Variants in PTPRG observed in about 807,000 individuals in gnomAD.
PTPRG encodes the protein receptor-type tyrosine-protein phosphatase gamma.
PTPRG carries 102 observed loss-of-function variants against 165.3 expected under a neutral mutation model. The observed-to-expected ratio is 0.62, with a 90% CI of 0.53 to 0.73. PTPRG has a LOEUF of 0.73. Among genes scored for constraint, PTPRG ranks in the 30% least tolerant of loss-of-function variants. The pLI is 0.00. For synonymous variants in PTPRG, 675 were observed against 669.5 expected, an observed-to-expected ratio of 1.01 and a Z score of -0.13; for missense variants, 1,866 against 1,861.4, an observed-to-expected ratio of 1.00 and a Z score of -0.05.
rs1168607732 is a variant in PTPRG, at chr3:62,195,481, C to G, written c.1327+311C>G. On this transcript the variant is annotated intron_variant, in intron 10 of 29. Coordinates refer to ENST00000474889, the MANE Select transcript of PTPRG (RefSeq NM_002841.4). This position sits in a 1 kb window ranked among gnomAD's most constrained non-coding sequence, Gnocchi z 4.4. ...AGCGCTGTGTCAGATCACACAATCACTTCCAAGTTGTACCGCTGAATATCC... is the reference window on the plus strand; with the variant it reads ...AGCGCTGTGTCAGATCACACAATCAGTTCCAAGTTGTACCGCTGAATATCC... Among the ~76,000 whole-genome samples the G allele has an allele frequency of 1.3e-5, 2 of 152,224 alleles. No homozygotes were observed. The highest frequency in any genetic ancestry group is 2.9e-5 in the Non-Finnish European group (2 of 68,032).
At chr3:61,598,532 G>C (rs9883668) in intron 1 of PTPRG, among the ~76,000 whole-genome samples, 1 of 151,908 alleles carries the variant, frequency 6.6e-6, no homozygotes. Flanking sequence ...CATTAAACTC[G>C]GCCATCAGTT....
In PTPRG at chr3:61,828,630, A is replaced by G. The variant is rs72880483; in HGVS notation, c.190+79648A>G. On this transcript the variant is annotated intron_variant, in intron 2 of 29. Coordinates refer to ENST00000474889, the MANE Select transcript of PTPRG (RefSeq NM_002841.4). Reference sequence around the variant, plus strand: ...TGAACCCAGAGGAAGTGCTGTGTGAACCCAGGGGAGGAGTGACTACACATG... The same window carrying G: ...TGAACCCAGAGGAAGTGCTGTGTGAGCCCAGGGGAGGAGTGACTACACATG... 4.9e-3 allele frequency among the ~76,000 whole-genome samples: 742 copies of G among 152,290 alleles called. 4 individuals are homozygous for G. Among genetic ancestry groups the G allele is most frequent in the African/African-American group, 0.017 (717 of 41,564 alleles).
rs949944664 is a variant in PTPRG at position 62,210,668 on chromosome 3, C to T, written c.2155+6718C>T. ...GCTACCCCTGAGAGAGCAAGACCAA[C>T]CCCTTTTCATTCTCCCCTCATCAAC... On this transcript the variant is annotated intron_variant, in intron 12 of 29. Coordinates refer to ENST00000474889, the MANE Select transcript of PTPRG (RefSeq NM_002841.4). The surrounding 1 kb of genome is among the most constrained non-coding windows in gnomAD (Gnocchi z 4.1). Among the ~76,000 whole-genome samples, 1 of 152,124 alleles carries T rather than the reference C, an allele frequency of 6.6e-6. No individual in the cohort carries two copies. The highest frequency in any genetic ancestry group is 2.4e-5 in the African/African-American group (1 of 41,440).
intron 29 of PTPRG, 87 bp from the exon 30 acceptor site, chr3:62,293,074 A>C (rs1189595237): frequency 1.7e-6 from 2 of 1,187,726 alleles, no homozygotes; most frequent in Non-Finnish European, 2.3e-6. Flanking sequence ...TGTGTTTTTC[A>C]CAATTACCAT....
chr3:61,967,034 CT>C (rs1233921816), intron 2 of PTPRG, among the ~76,000 whole-genome samples: 1 of 152,174 alleles, frequency 6.6e-6, no homozygotes, highest in Non-Finnish European at 1.5e-5. Context: ...CAGATTGGTG[CT>C]CCCAGAGAAA....
In PTPRG at chr3:61,889,382, G is replaced by A. The variant is rs185788975; in HGVS notation, c.191-100243G>A. 2.1e-3 allele frequency among the ~76,000 whole-genome samples: 313 copies of A among 152,250 alleles called. 1 individual carries two copies. The highest frequency in any genetic ancestry group is 1.3e-3 in the Admixed American group (20 of 15,306). On this transcript the variant is annotated intron_variant, in intron 2 of 29. Transcript: ENST00000474889. ...TGTTATTTTGCTGTTCAAATTGATTGTCCCAGATTTGGCGAGTGTGCTCTC... is the reference window on the plus strand; with the variant it reads ...TGTTATTTTGCTGTTCAAATTGATTATCCCAGATTTGGCGAGTGTGCTCTC...
At chr3:61,816,884 G>A (rs974115011) in intron 2 of PTPRG, among the ~76,000 whole-genome samples, 1 of 149,764 alleles carries the variant, frequency 6.7e-6, no homozygotes, top group Non-Finnish European at 1.5e-5. Context: ...TTGACATGTA[G>A]CTTTTTGGTA....
intron 4 of PTPRG, among the ~76,000 whole-genome samples, chr3:62,031,375 A>G (rs1404446670): frequency 1.3e-5 from 2 of 152,220 alleles, no homozygotes; most frequent in Non-Finnish European, 2.9e-5. Context: ...TGTCCAGGGA[A>G]AACTGCAGCA....
chr3:61,662,328 A>G (rs778041303), intron 1 of PTPRG, among the ~76,000 whole-genome samples: 6 of 152,186 alleles, frequency 3.9e-5, no homozygotes, highest in Non-Finnish European at 8.8e-5. Context: ...TGTTGTGAGG[A>G]CACTCAAGCA....
At chr3:62,035,956 C>T (rs185882504) in intron 4 of PTPRG, among the ~76,000 whole-genome samples, 206 of 151,320 alleles carry the variant, frequency 1.4e-3, no homozygotes, top group Middle Eastern at 3.4e-3. Flanking sequence ...GAATTGATGT[C>T]GCATTAATTC....
At chr3:61,826,664 G>A (rs542985636) in intron 2 of PTPRG, among the ~76,000 whole-genome samples, 4 of 152,092 alleles carry the variant, frequency 2.6e-5, no homozygotes, top group Non-Finnish European at 5.9e-5. Context: ...TTTTTACAGT[G>A]AGGTAAAATA....
chr3:62,163,916 G>GTACAAAACC (rs1704865573), intron 7 of PTPRG, among the ~76,000 whole-genome samples: 2 of 152,212 alleles, frequency 1.3e-5, no homozygotes, highest in Non-Finnish European at 2.9e-5. Flanking sequence ...AGGTAGCAGG[G>GTACAAAACC]GTAAGGGTTT....
chr3:61,615,286 G>C (rs1352901663), intron 1 of PTPRG, among the ~76,000 whole-genome samples: 1 of 152,186 alleles, frequency 6.6e-6, no homozygotes. Context: ...TCTCTTTCAG[G>C]TCTGGAACAG....
chr3:61,793,616 A>G (rs1281520854), intron 2 of PTPRG, among the ~76,000 whole-genome samples: 1 of 152,224 alleles, frequency 6.6e-6, no homozygotes, highest in African/African-American at 2.4e-5. Context: ...TAAGCAATAC[A>G]ATGGGGAAAG....
intron 8 of PTPRG, among the ~76,000 whole-genome samples, chr3:62,172,402 C>T (rs923061670): frequency 1.3e-5 from 2 of 152,196 alleles, no homozygotes; most frequent in African/African-American, 4.8e-5. Context: ...CATATCCTCA[C>T]CAACACTTGT....
Position 62,188,963 on chromosome 3 carries a change from C to T in PTPRG, c.1034-2506C>T, listed in dbSNP as rs1043127764. On this transcript the variant is annotated intron_variant, in intron 8 of 29. Transcript: ENST00000474889. ...ATCTTTCCCCCGCCTCCTCCGTGTT[C>T]TGTCTTGAAAAACTATGAAGCCACT... Among the ~76,000 whole-genome samples, 5 of 152,072 alleles carry T rather than the reference C, an allele frequency of 3.3e-5. 1 individual carries two copies. The highest frequency in any genetic ancestry group is 9.7e-5 in the African/African-American group (4 of 41,406).
intron 1 of PTPRG, among the ~76,000 whole-genome samples, chr3:61,603,740 C>T (rs1700926292): frequency 6.6e-6 from 1 of 152,194 alleles, no homozygotes. Context: ...CTGGTCCTTG[C>T]TGGCAATCCT....
chr3:61,685,885 A>T (rs1245507023), intron 1 of PTPRG, among the ~76,000 whole-genome samples: 1 of 152,136 alleles, frequency 6.6e-6, no homozygotes, highest in Non-Finnish European at 1.5e-5. Flanking sequence ...GGAGCACAGG[A>T]GAGGGCATTT....
At chr3:61,879,380 T>TC (rs749631506) in intron 2 of PTPRG, among the ~76,000 whole-genome samples, 10 of 152,222 alleles carry the variant, frequency 6.6e-5, no homozygotes, top group Non-Finnish European at 1.2e-4. Context: ...CGAGGTCTTC[T>TC]TTTCTTTCTT....
Sources: gnomAD v4.1 joint callset for allele counts (sites outside exome capture counted in the v4.1 genomes callset) on GRCh38, gnomAD v4.1.1 for gene constraint, Gnocchi (gnomAD v3.1) non-coding constraint, MANE v1.5 for transcripts, NCBI Gene and HGNC (gene_info 2026-07-23, HGNC 2026-07-21) for gene names.